PRDM10: variants seen among roughly 807,000 people sequenced by gnomAD.
PRDM10 encodes PR domain zinc finger protein 10.
Under a neutral mutation model 133.1 loss-of-function variants are expected in PRDM10, and 65 were observed. The ratio of observed to expected loss-of-function variants is 0.49; its 90% CI spans 0.40 to 0.60. The LOEUF is 0.60. Ranked by LOEUF, PRDM10 falls within the 20% of genes least tolerant of loss-of-function variation. The pLI, the probability that PRDM10 is intolerant of heterozygous loss-of-function variation, is 0.00. For synonymous variants in PRDM10, 582 were observed against 580.4 expected (o/e 1.00, Z -0.04); for missense variants, 1,137 against 1,507.1 (o/e 0.75, Z 4.07).
rs1440599433 is a variant in PRDM10 at position 129,900,718 on chromosome 11, T to G, written c.*1595A>C. On this transcript the variant is annotated 3_prime_UTR_variant, in exon 21 of 21. Transcript: ENST00000360871. ...GTTTTGCAATGCAGGGTCAATATTT[T>G]CTGTTGAATATCTTTGTCACAAAGA... 3.3e-5 allele frequency: 5 copies of G among 152,222 alleles called. No homozygotes were observed. The highest frequency in any genetic ancestry group is 1.3e-4 in the Admixed American group (2 of 15,284). 9.4% of individuals were successfully genotyped at this position (152,222 alleles called of 1,614,324 possible). A position where few individuals can be genotyped will look rare whatever the true frequency, so the allele number is the denominator to read the frequency against.
At chr11:129,966,581 G>A (rs1488323127) in intron 1 of PRDM10, among the ~76,000 whole-genome samples, 1 of 152,208 alleles carries the variant, frequency 6.6e-6, no homozygotes, top group East Asian at 1.9e-4. Flanking sequence ...CATGGGAACA[G>A]TAGCAGGGCA....
At chr11:129,926,230 G>A (rs1440688341) in intron 11 of PRDM10, among the ~76,000 whole-genome samples, 1 of 152,174 alleles carries the variant, frequency 6.6e-6, no homozygotes, top group Non-Finnish European at 1.5e-5. Context: ...GGTACTCAGT[G>A]CAAACCCATC....
Position 129,901,453 on chromosome 11 carries a change from T to TTCTC in PRDM10, c.*856_*859dup, listed in dbSNP as rs10568533. 1.3e-5 allele frequency: 2 copies of TTCTC among 151,396 alleles called. No homozygotes were observed. Among genetic ancestry groups the TTCTC allele is most frequent in the African/African-American group, 4.9e-5 (2 of 41,158 alleles). 9.4% of individuals were successfully genotyped at this position (151,396 alleles called of 1,614,324 possible). ...CAAGGCAGAACAAAATTTCAATACT[T>TTCTC]TCTCTCTCTCTCTCTCAATAGTTTT... On this transcript the variant is annotated 3_prime_UTR_variant, in exon 21 of 21. Coordinates refer to ENST00000360871, the MANE Select transcript of PRDM10 (RefSeq NM_199437.2).
rs774321467 is a variant in PRDM10, at chr11:130,002,199, G to A, written c.-119+523C>T. Among the ~76,000 whole-genome samples the A allele has an allele frequency of 2.7e-3, 396 of 147,630 alleles. 1 individual carries two copies. Among genetic ancestry groups the A allele is most frequent in the Non-Finnish European group, 4.2e-3 (276 of 66,154 alleles). On this transcript the variant is annotated intron_variant, in intron 1 of 20. Coordinates refer to ENST00000360871, the MANE Select transcript of PRDM10 (RefSeq NM_199437.2). The stretch of plus-strand genomic sequence containing the variant: ...CGGCCGGCGGAGACCTGCCCGCCGC[G>A]CCCGGAGCGCCCGCGCAACCGCCGC...
rs114224682 is a variant in PRDM10, at chr11:129,934,447, A to G, written c.1157+654T>C. The stretch of plus-strand genomic sequence containing the variant: ...TCCAAACCACCCTCATTCCTCCCCC[A>G]AACTATTGTGATAGATGCTAACAGG... On this transcript the variant is annotated intron_variant, in intron 9 of 20. Transcript: ENST00000360871. 3.1e-3 allele frequency among the ~76,000 whole-genome samples: 472 copies of G among 152,222 alleles called. 2 individuals are homozygous for G. The highest frequency in any genetic ancestry group is 0.011 in the African/African-American group (446 of 41,522).
intron 6 of PRDM10, among the ~76,000 whole-genome samples, chr11:129,942,871 G>C (rs887031541): frequency 1.3e-5 from 2 of 152,132 alleles, no homozygotes; most frequent in African/African-American, 4.8e-5. Flanking sequence ...TAATTGCATA[G>C]CTTTAGTTAA....
In PRDM10 at chr11:129,923,434, G is replaced by C. The variant is rs193302661; in HGVS notation, c.1879-31C>G. The stretch of plus-strand genomic sequence containing the variant: ...GATAAGAACCACAGGAAAATTCAGG[G>C]GACGCAGGCACCAAATGAAATGACC... On this transcript the variant is annotated intron_variant, in intron 12 of 20. Transcript: ENST00000360871. This position sits in a 1 kb window ranked among gnomAD's most constrained non-coding sequence, Gnocchi z 4.4. The C allele has an allele frequency of 3.2e-6, 5 of 1,584,948 alleles. No homozygotes were observed. The highest frequency in any genetic ancestry group is 4.3e-6 in the Non-Finnish European group (5 of 1,164,414).
At chr11:129,910,441 C>T in intron 19 of PRDM10, 35 bp downstream of exon 19, 1 of 1,612,350 alleles carries the variant, frequency 6.2e-7, no homozygotes, top group Non-Finnish European at 8.5e-7. Context: ...GATCCCCCAC[C>T]CCTGACCGAC....
intron 3 of PRDM10, among the ~76,000 whole-genome samples, chr11:129,957,384 T>G (rs1222961313): frequency 6.6e-6 from 1 of 152,154 alleles, no homozygotes; most frequent in Non-Finnish European, 1.5e-5. Context: ...AGTGGCGCGA[T>G]CTCGGCTCAC....
chr11:129,957,076 A>G (rs1316552677), intron 3 of PRDM10, among the ~76,000 whole-genome samples: 1 of 152,246 alleles, frequency 6.6e-6, no homozygotes, highest in Non-Finnish European at 1.5e-5. Context: ...TCAGTAAGTT[A>G]TTAAGAAGTG....
chr11:129,924,841 A>G (rs986957989), intron 12 of PRDM10, 41 bp downstream of exon 12: 1 of 1,509,042 alleles, frequency 6.6e-7, no homozygotes. Flanking sequence ...TCTTTTACCA[A>G]AAGAAGGAAG....
chr11:129,900,157 AT>A lies in PRDM10; in HGVS notation c.*2155del, dbSNP rs1309504205. 2 of 152,412 alleles carry A rather than the reference AT, an allele frequency of 1.3e-5. No individual in the cohort carries two copies. Among genetic ancestry groups the A allele is most frequent in the East Asian group, 3.9e-4 (2 of 5,188 alleles). The allele number at this position is 152,412 out of a possible 1,614,324, so 9.4% of individuals were successfully genotyped here. The stretch of plus-strand genomic sequence containing the variant: ...CACTGGCTACATACATGTTTTCCAA[AT>A]TAAGTTTTCTGATGGCTCATCATTT... On this transcript the variant is annotated 3_prime_UTR_variant, in exon 21 of 21. Coordinates refer to ENST00000360871, the MANE Select transcript of PRDM10 (RefSeq NM_199437.2).
At chr11:129,921,564 A>G (rs985817955) in intron 13 of PRDM10, among the ~76,000 whole-genome samples, 3 of 152,252 alleles carry the variant, frequency 2.0e-5, no homozygotes, top group Non-Finnish European at 4.4e-5. Flanking sequence ...TTCAGAAAGG[A>G]CATGACATCA....
intron 1 of PRDM10, among the ~76,000 whole-genome samples, chr11:129,976,724 T>G (rs753124595): frequency 6.6e-6 from 1 of 152,190 alleles, no homozygotes; most frequent in Non-Finnish European, 1.5e-5. Context: ...ATTTAACTGA[T>G]TGCTGGAACA....
chr11:129,947,509 T>C lies in PRDM10; in HGVS notation c.295-139A>G. 6.6e-7 allele frequency: 1 copy of C among 1,521,462 alleles called. No individual in the cohort carries two copies. Among genetic ancestry groups the C allele is most frequent in the Non-Finnish European group, 8.8e-7 (1 of 1,136,454 alleles). The allele number at this position is 1,521,462 out of a possible 1,614,324, so 94.2% of individuals were successfully genotyped here. On this transcript the variant is annotated intron_variant, in intron 4 of 20. Coordinates refer to ENST00000360871, the MANE Select transcript of PRDM10 (RefSeq NM_199437.2). The surrounding 1 kb of genome is among the most constrained non-coding windows in gnomAD (Gnocchi z 4.6). ...CAACTCCTTCCAGGCCCTGGAAAAA[T>C]GACTTCCATCTACCGGCTGTGAGGA...
At chr11:129,925,511 T>C (rs1355328649) in intron 11 of PRDM10, among the ~76,000 whole-genome samples, 1 of 152,194 alleles carries the variant, frequency 6.6e-6, no homozygotes, top group African/African-American at 2.4e-5. Flanking sequence ...ACAAAAAAAG[T>C]GTTCCCAATA....
At chr11:129,933,272 G>C (rs1950927022) in intron 9 of PRDM10, among the ~76,000 whole-genome samples, 1 of 152,124 alleles carries the variant, frequency 6.6e-6, no homozygotes, top group South Asian at 2.1e-4. Flanking sequence ...TCTGAACCTA[G>C]GTGAATGTAG....
chr11:129,934,902 GT>G (rs545620730), intron 9 of PRDM10, among the ~76,000 whole-genome samples, 198 bp downstream of exon 9: 4 of 152,234 alleles, frequency 2.6e-5, no homozygotes, highest in Non-Finnish European at 5.9e-5. Context: ...CTGGGTATTG[GT>G]TATGCTGGAA....
intron 18 of PRDM10, among the ~76,000 whole-genome samples, chr11:129,911,135 C>T (rs1051416411): frequency 6.6e-6 from 1 of 152,170 alleles, no homozygotes; most frequent in Admixed American, 6.5e-5. Flanking sequence ...GAAAAGCAAG[C>T]ATAACTATGA....
Sources: gnomAD v4.1 joint callset for allele counts (sites outside exome capture counted in the v4.1 genomes callset) on GRCh38, gnomAD v4.1.1 for gene constraint, Gnocchi (gnomAD v3.1) non-coding constraint, MANE v1.5 for transcripts, NCBI Gene and HGNC (gene_info 2026-07-23, HGNC 2026-07-21) for gene names.